MALT1: variants seen among roughly 807,000 people sequenced by gnomAD.
MALT1 encodes the protein mucosa-associated lymphoid tissue lymphoma translocation protein 1.
A neutral mutation model predicts 85.5 loss-of-function variants in MALT1; 36 were observed. The observed-to-expected ratio is 0.42, with a 90% CI of 0.32 to 0.56. MALT1 has a LOEUF of 0.56. MALT1 is among the 20% of genes least tolerant of loss of function. The probability of loss-of-function intolerance (pLI) is 0.10; values close to 1 mark genes in which losing one functional copy is unlikely to be tolerated. For synonymous variants in MALT1, 359 were observed against 361.3 expected (o/e 0.99, Z 0.07); for missense variants, 716 against 981.6 (o/e 0.73, Z 3.62).
chr18:58,744,612 G>C (rs2055343379), intron 15 of MALT1, 117 bp downstream of exon 15: 1 of 389,914 alleles, frequency 2.6e-6, no homozygotes, highest in Non-Finnish European at 4.3e-6. Flanking sequence ...TTATATATGT[G>C]TATATATTTA....
rs1052638397 is a variant in MALT1, at chr18:58,671,591, C to T, written c.-53C>T. On this transcript the variant is annotated 5_prime_UTR_variant, in exon 1 of 17. Coordinates refer to ENST00000649217, the MANE Select transcript of MALT1 (RefSeq NM_006785.4). ...AGCGGAAGGTGCCCCGGGGCCGAGG[C>T]CCGTGACGGGGCGGGCGGGAGCCCC... The T allele has an allele frequency of 2.6e-6, 3 of 1,148,558 alleles. No homozygotes were observed. Among genetic ancestry groups the T allele is most frequent in the Non-Finnish European group, 3.3e-6 (3 of 918,318 alleles). The allele number at this position is 1,148,558 out of a possible 1,614,324, so 71.1% of individuals were successfully genotyped here.
intron 2 of MALT1, among the ~76,000 whole-genome samples, chr18:58,692,445 C>CTCTCTCTCTCTCTCTCTCTCTCTCTCTCT (rs1568129469): frequency 7.0e-5 from 2 of 28,398 alleles, no homozygotes; most frequent in East Asian, 1.3e-3. Flanking sequence ...TCACTCTCTC[C>CTCTCTCTCTCTCTCTCTCTCTCTCTCTCT]CTCCCTCCCT....
chr18:58,741,056 T>C (rs946194587), intron 13 of MALT1, among the ~76,000 whole-genome samples: 2 of 152,160 alleles, frequency 1.3e-5, no homozygotes, highest in South Asian at 2.1e-4. Flanking sequence ...CCTAATATGC[T>C]ATTTTTTACA....
chr18:58,727,628 GT>G (rs74183292), intron 10 of MALT1, among the ~76,000 whole-genome samples: 29,770 of 130,494 alleles, frequency 0.23, 3,434 homozygotes, highest in South Asian at 0.31. Context: ...TTTTTTTTTT[GT>G]TTTTTTTTTT....
At chr18:58,726,434 A>G (rs1238512296) in intron 10 of MALT1, among the ~76,000 whole-genome samples, 3 of 152,026 alleles carry the variant, frequency 2.0e-5, no homozygotes, top group Non-Finnish European at 4.4e-5. Flanking sequence ...TTACCAGGGG[A>G]CTCAGTGCTT....
rs942839599 is a variant in MALT1, at chr18:58,749,043, A to G, written c.*1201A>G. 2.8e-5 allele frequency: 6 copies of G among 212,406 alleles called. No individual in the cohort carries two copies. Among genetic ancestry groups the G allele is most frequent in the Admixed American group, 5.9e-5 (1 of 17,070 alleles). 13.2% of individuals were successfully genotyped at this position (212,406 alleles called of 1,614,324 possible). ...ATTAGCAAACTGAATCCAGCAACCTATAAAAAGGATTCTATATCATGACCA... is the reference window on the plus strand; with the variant it reads ...ATTAGCAAACTGAATCCAGCAACCTGTAAAAAGGATTCTATATCATGACCA... On this transcript the variant is annotated 3_prime_UTR_variant, in exon 17 of 17. Coordinates refer to ENST00000649217, the MANE Select transcript of MALT1 (RefSeq NM_006785.4).
intron 1 of MALT1, chr18:58,677,697 AT>A (rs1860311437): frequency 6.6e-6 from 1 of 152,172 alleles, no homozygotes; most frequent in African/African-American, 2.4e-5. Context: ...TATTGTCCTT[AT>A]TTTTATCATT....
chr18:58,718,631 C>T (rs910065265), intron 9 of MALT1, among the ~76,000 whole-genome samples: 4 of 152,164 alleles, frequency 2.6e-5, no homozygotes, highest in African/African-American at 7.2e-5. Context: ...TCCCTGGTGC[C>T]AGAAAGGTTG....
chr18:58,714,931 G>T (rs2054879694), intron 8 of MALT1, among the ~76,000 whole-genome samples: 1 of 152,190 alleles, frequency 6.6e-6, no homozygotes, highest in Non-Finnish European at 1.5e-5. Flanking sequence ...TTTGCTTAGT[G>T]TCATACTCAT....
At chr18:58,735,090 C>A in intron 12 of MALT1, 112 bp from the exon 13 acceptor site, 1 of 890,822 alleles carries the variant, frequency 1.1e-6, no homozygotes, top group Non-Finnish European at 1.7e-6. Flanking sequence ...CTGGTAACCA[C>A]CATTCTGCTG....
At chr18:58,703,546 T>G (rs976398425) in intron 4 of MALT1, among the ~76,000 whole-genome samples, 4 of 151,824 alleles carry the variant, frequency 2.6e-5, no homozygotes, top group Non-Finnish European at 5.9e-5. Context: ...TGGTGGAAGG[T>G]GAAAGGAAAG....
At chr18:58,723,507 T>C in intron 10 of MALT1, among the ~76,000 whole-genome samples, 1 of 149,234 alleles carries the variant, frequency 6.7e-6, no homozygotes, top group African/African-American at 2.4e-5. Flanking sequence ...TCTTTTGTGA[T>C]TTTTTTTTAA....
Position 58,696,469 on chromosome 18 carries a change from G to T in MALT1, c.480G>T (p.Trp160Cys). 1 of 1,582,408 alleles carries T rather than the reference G, an allele frequency of 6.3e-7. No homozygotes were observed. Among genetic ancestry groups the T allele is most frequent in the Non-Finnish European group, 8.6e-7 (1 of 1,166,406 alleles). ...GACATCCTTTTGTTCAATATCAGTG[G>T]TTCAAAATGAATAAAGAGGTAATTT... The part of the protein sequence containing the change: ...ATGHPFVQYQ[W>C]FKMNKEIPNG... The change falls in exon 3 of 17, where the codon TGG (tryptophan) becomes TGT (cysteine). Residue 160 changes from tryptophan to cysteine, a missense_variant. Around this residue, in one of 4 missense-constraint regions of MALT1, gnomAD observed 290 missense variants for 380.5 expected, o/e 0.76. Coordinates refer to ENST00000649217, the MANE Select transcript of MALT1 (RefSeq NM_006785.4).
In MALT1 at chr18:58,749,931, T is replaced by A. The variant is rs557834209; in HGVS notation, c.*2089T>A. 18 of 210,184 alleles carry A rather than the reference T, an allele frequency of 8.6e-5. No individual in the cohort carries two copies. Among genetic ancestry groups the A allele is most frequent in the Non-Finnish European group, 1.7e-4 (18 of 103,584 alleles). 13.0% of individuals were successfully genotyped at this position (210,184 alleles called of 1,614,324 possible). On this transcript the variant is annotated 3_prime_UTR_variant, in exon 17 of 17. Coordinates refer to ENST00000649217, the MANE Select transcript of MALT1 (RefSeq NM_006785.4). Reference sequence around the variant, plus strand: ...ACAAGGATGTTCACTCGGCACTACTTCTATTCAGCATTGTACTTGAAGTTC... The same window carrying A: ...ACAAGGATGTTCACTCGGCACTACTACTATTCAGCATTGTACTTGAAGTTC...
intron 10 of MALT1, 111 bp downstream of exon 10, chr18:58,723,362 G>A (rs1387924914): frequency 2.9e-6 from 2 of 680,582 alleles, no homozygotes; most frequent in East Asian, 5.9e-5. Context: ...GTTGTTGAAT[G>A]GAAGAGTTTT....
Position 58,696,337 on chromosome 18 carries a change from A to ATTTT in MALT1, c.377-6_377-3dup, listed in dbSNP as rs574285957. ...AAGGAAAATCCCTCTTGTGACTTTA[A>ATTTT]TTTTTTTTTTTTTTTTTTTTTTTTT... is the stretch of plus-strand genomic sequence containing the variant. On this transcript the variant is annotated intron_variant, in intron 2 of 16. Transcript: ENST00000649217. The ATTTT allele has an allele frequency of 1.9e-3, 1,842 of 990,010 alleles. 9 individuals carry two copies. Among genetic ancestry groups the ATTTT allele is most frequent in the South Asian group, 2.4e-3 (81 of 34,142 alleles). The allele number at this position is 990,010 out of a possible 1,614,324, so 61.3% of individuals were successfully genotyped here. A position where few individuals can be genotyped will look rare whatever the true frequency, so the allele number is the denominator to read the frequency against.
chr18:58,703,651 C>T lies in MALT1; in HGVS notation c.649+3060C>T, dbSNP rs142671989. ...CCAGATCTGTGAGAACTCACTGTCACGAGAACAGCATGGGGGAAACTGCCC... is the reference window on the plus strand; with the variant it reads ...CCAGATCTGTGAGAACTCACTGTCATGAGAACAGCATGGGGGAAACTGCCC... On this transcript the variant is annotated intron_variant, in intron 4 of 16. Coordinates refer to ENST00000649217, the MANE Select transcript of MALT1 (RefSeq NM_006785.4). 1.6e-3 allele frequency among the ~76,000 whole-genome samples: 244 copies of T among 152,228 alleles called. 1 individual carries two copies. Among genetic ancestry groups the T allele is most frequent in the African/African-American group, 5.5e-3 (229 of 41,536 alleles).
rs1237770549 is a variant in MALT1 at position 58,754,264 on chromosome 18, A to G, written c.*6422A>G. 1 of 152,228 alleles carries G rather than the reference A, an allele frequency of 6.6e-6. No homozygotes were observed. The highest frequency in any genetic ancestry group is 6.5e-5 in the Admixed American group (1 of 15,284). The allele number at this position is 152,228 out of a possible 1,614,324, so 9.4% of individuals were successfully genotyped here. ...GGGAAAAGTACACAACAGTGTCTTA[A>G]TATTTCATTCTTCCATGAAAAACAC... On this transcript the variant is annotated 3_prime_UTR_variant, in exon 17 of 17. Transcript: ENST00000649217.
chr18:58,745,980 C>T lies in MALT1; in HGVS notation c.2037+189C>T, dbSNP rs76689358. Among the ~76,000 whole-genome samples, 316 of 146,346 alleles carry T rather than the reference C, an allele frequency of 2.2e-3. 1 individual carries two copies. Among genetic ancestry groups the T allele is most frequent in the Non-Finnish European group, 3.9e-3 (263 of 66,840 alleles). On this transcript the variant is annotated intron_variant, in intron 16 of 16. Coordinates refer to ENST00000649217, the MANE Select transcript of MALT1 (RefSeq NM_006785.4). Reference sequence around the variant, plus strand: ...CCAGAGGACTTTATGTGTGCTTACCCTCCAGAATGCTAAAAAATTAGTAAC... The same window carrying T: ...CCAGAGGACTTTATGTGTGCTTACCTTCCAGAATGCTAAAAAATTAGTAAC...
Sources: allele counts gnomAD v4.1 joint callset (sites outside exome capture counted in the v4.1 genomes callset), GRCh38; gene constraint gnomAD v4.1.1; regional missense constraint gnomAD v4.1.1; transcripts MANE v1.5; gene names NCBI Gene and HGNC (gene_info 2026-07-23, HGNC 2026-07-21).